DTD1: variants seen among roughly 807,000 people sequenced by gnomAD.
The protein encoded by DTD1 is D-tyrosyl-tRNA deacylase 1 homolog.
A neutral mutation model predicts 25.6 loss-of-function variants in DTD1; 13 were observed. The ratio of observed to expected loss-of-function variants is 0.51; its 90% CI spans 0.33 to 0.81. DTD1 has a LOEUF of 0.81. DTD1 is among the 30% of genes least tolerant of loss of function. The pLI, the probability that DTD1 is intolerant of heterozygous loss-of-function variation, is 0.02. For synonymous variants in DTD1, 110 were observed against 103.6 expected, an observed-to-expected ratio of 1.06 and a Z score of -0.37; for missense variants, 193 against 266.4, an observed-to-expected ratio of 0.72 and a Z score of 1.92.
intron 4 of DTD1, 148 bp downstream of exon 4, chr20:18,628,381 A>G: frequency 1.5e-6 from 1 of 654,436 alleles, no homozygotes; most frequent in South Asian, 1.9e-5. Context: ...GTGCATGTTT[A>G]CGGTGCACTC....
At chr20:18,702,110 C>G (rs1032027632) in intron 4 of DTD1, among the ~76,000 whole-genome samples, 2 of 152,166 alleles carry the variant, frequency 1.3e-5, no homozygotes, top group African/African-American at 2.4e-5. Flanking sequence ...GACAAAGCGT[C>G]TATTTGTACA....
chr20:18,708,244 A>ATT (rs370120832), intron 4 of DTD1, among the ~76,000 whole-genome samples: 6 of 41,406 alleles, frequency 1.4e-4, no homozygotes, highest in African/African-American at 7.7e-4. Flanking sequence ...ATATATATAT[A>ATT]ATATATATTA....
intron 4 of DTD1, among the ~76,000 whole-genome samples, chr20:18,733,394 A>G (rs778146536): frequency 6.6e-6 from 1 of 152,150 alleles, no homozygotes; most frequent in Non-Finnish European, 1.5e-5. Flanking sequence ...TGGAGGCTGC[A>G]GGTGACCTCT....
At position 18,649,326 on chromosome 20, in the gene DTD1, CT is replaced by C. The variant is rs55766733; in HGVS notation, c.477+21123del. 7.1e-3 allele frequency among the ~76,000 whole-genome samples: 411 copies of C among 57,616 alleles called. 1 individual carries two copies. The highest frequency in any genetic ancestry group is 0.022 in the African/African-American group (322 of 14,420). The allele number at this position is 57,616 out of a possible 152,430, so 37.8% of individuals were successfully genotyped here. A position where few individuals can be genotyped will look rare whatever the true frequency, so the allele number is the denominator to read the frequency against. The stretch of plus-strand genomic sequence containing the variant: ...TGGGCTTTCTCAGCCATTCATCTTT[CT>C]TTTTTTTTTTTTTTTTTTTTTTTTT... On this transcript the variant is annotated intron_variant, in intron 4 of 5. Transcript: ENST00000377452.
At chr20:18,592,995 C>T (rs1202687024) in intron 1 of DTD1, among the ~76,000 whole-genome samples, 1 of 152,118 alleles carries the variant, frequency 6.6e-6, no homozygotes, top group South Asian at 2.1e-4. Context: ...AATGATGCAT[C>T]TTGCTACCAT....
intron 3 of DTD1, among the ~76,000 whole-genome samples, chr20:18,623,735 T>G (rs1161710530): frequency 6.6e-6 from 1 of 152,248 alleles, no homozygotes; most frequent in Non-Finnish European, 1.5e-5. Flanking sequence ...CGGGTCTCCT[T>G]TCAGGACATA....
chr20:18,685,361 C>G (rs559652358), intron 4 of DTD1, among the ~76,000 whole-genome samples: 1 of 152,332 alleles, frequency 6.6e-6, no homozygotes, highest in African/African-American at 2.4e-5. Context: ...AAAACCAGAC[C>G]TGTTTTCCTC....
intron 3 of DTD1, chr20:18,611,258 T>A (rs2060685636): frequency 6.6e-6 from 1 of 152,232 alleles, no homozygotes; most frequent in Admixed American, 6.5e-5. Flanking sequence ...CATTTTCTTT[T>A]GGCCTTGTCT....
chr20:18,641,317 T>C (rs548833995), intron 4 of DTD1, among the ~76,000 whole-genome samples: 15 of 152,380 alleles, frequency 9.8e-5, no homozygotes, highest in African/African-American at 1.7e-4. Context: ...TGTACCAATA[T>C]CTCTTCAAGA....
At chr20:18,696,001 T>C (rs376346326) in intron 4 of DTD1, among the ~76,000 whole-genome samples, 51 of 152,140 alleles carry the variant, frequency 3.4e-4, no homozygotes, top group East Asian at 7.8e-4. Flanking sequence ...GTCAGGAAGA[T>C]AGGAGGATTT....
intron 4 of DTD1, among the ~76,000 whole-genome samples, chr20:18,650,928 G>A (rs2060871633): frequency 6.6e-6 from 1 of 152,190 alleles, no homozygotes; most frequent in Non-Finnish European, 1.5e-5. Context: ...AGAGGGTACT[G>A]GCCTTCCTAA....
intron 4 of DTD1, among the ~76,000 whole-genome samples, chr20:18,721,928 G>A (rs1306913051): frequency 6.6e-6 from 1 of 152,172 alleles, no homozygotes; most frequent in African/African-American, 2.4e-5. Context: ...CAGTGTGGGA[G>A]ATGAGAGACA....
intron 3 of DTD1, among the ~76,000 whole-genome samples, chr20:18,627,703 C>A (rs965237671): frequency 6.6e-6 from 1 of 152,180 alleles, no homozygotes; most frequent in Non-Finnish European, 1.5e-5. Flanking sequence ...TATGGTTTGG[C>A]TGTGCCCCAC....
At chr20:18,651,402 C>G (rs1425254342) in intron 4 of DTD1, among the ~76,000 whole-genome samples, 1 of 152,248 alleles carries the variant, frequency 6.6e-6, no homozygotes, top group Non-Finnish European at 1.5e-5. Flanking sequence ...CTGCCCGTCT[C>G]CGCCTCCCAA....
intron 4 of DTD1, among the ~76,000 whole-genome samples, chr20:18,701,418 G>A (rs1339639026): frequency 6.6e-6 from 1 of 152,186 alleles, no homozygotes; most frequent in Non-Finnish European, 1.5e-5. Context: ...GATTCATTAC[G>A]TCCTTTGCCA....
chr20:18,712,572 TGAAAACGAAATC>T (rs1214919628), intron 4 of DTD1, among the ~76,000 whole-genome samples: 5 of 152,168 alleles, frequency 3.3e-5, no homozygotes, highest in Non-Finnish European at 7.3e-5. Context: ...AGATCCCATA[TGAAAACGAAATC>T]TTAACAATGG....
intron 4 of DTD1, among the ~76,000 whole-genome samples, chr20:18,737,605 C>G (rs2061261208): frequency 6.6e-6 from 1 of 152,252 alleles, no homozygotes; most frequent in African/African-American, 2.4e-5. Flanking sequence ...CCCACTGCCA[C>G]TGACAGGCAC....
intron 3 of DTD1, among the ~76,000 whole-genome samples, chr20:18,623,182 G>A (rs6081252): frequency 2.6e-5 from 4 of 151,590 alleles, no homozygotes; most frequent in African/African-American, 7.3e-5. Flanking sequence ...CTCGTGATCC[G>A]CCCGCCTCAG....
At chr20:18,593,234 A>G (rs11908455) in intron 1 of DTD1, among the ~76,000 whole-genome samples, 4,602 of 152,242 alleles carry the variant, frequency 0.03, 115 homozygotes, top group African/African-American at 0.053. Flanking sequence ...TGTATTATGT[A>G]TTTGTCCTCA....
Sources: gnomAD v4.1 joint callset for allele counts (sites outside exome capture counted in the v4.1 genomes callset) on GRCh38, gnomAD v4.1.1 for gene constraint, MANE v1.5 for transcripts, NCBI Gene and HGNC (gene_info 2026-07-23, HGNC 2026-07-21) for gene names.